NEGR1: variants seen among roughly 807,000 people sequenced by gnomAD.
The protein encoded by NEGR1 is IgLON family member 4.
NEGR1 carries 10 observed loss-of-function variants against 40.9 expected under a neutral mutation model. The ratio of observed to expected loss-of-function variants is 0.24; its 90% confidence interval spans 0.15 to 0.42. NEGR1 has a LOEUF of 0.42. Among genes scored for constraint, NEGR1 ranks in the 10% least tolerant of loss-of-function variants. The pLI, the probability that NEGR1 is intolerant of heterozygous loss-of-function variation, is 1.00. For synonymous variants in NEGR1, 185 were observed against 166.8 expected (o/e 1.11, Z -0.84); for missense variants, 352 against 438.9 (o/e 0.80, Z 1.77).
intron 4 of NEGR1, among the ~76,000 whole-genome samples, chr1:71,644,310 C>T (rs1651455096): frequency 6.6e-6 from 1 of 151,898 alleles, no homozygotes. Context: ...AGTCCCCGCT[C>T]ACACATCACA....
intron 4 of NEGR1, among the ~76,000 whole-genome samples, chr1:71,674,947 T>C (rs1200852837): frequency 6.6e-6 from 1 of 151,654 alleles, no homozygotes; most frequent in Non-Finnish European, 1.5e-5. Context: ...GCCTGTTTTG[T>C]ATTCTTAGCA....
At chr1:71,644,847 G>C (rs2101576870) in intron 4 of NEGR1, among the ~76,000 whole-genome samples, 1 of 151,890 alleles carries the variant, frequency 6.6e-6, no homozygotes, top group East Asian at 1.9e-4. Flanking sequence ...GCTTATCCAG[G>C]GGCTTATTTC....
intron 6 of NEGR1, among the ~76,000 whole-genome samples, chr1:71,580,426 G>A (rs1438604514): frequency 6.6e-6 from 1 of 151,772 alleles, no homozygotes; most frequent in Non-Finnish European, 1.5e-5. Context: ...CCTGCACATT[G>A]TGCACATGTA....
chr1:71,399,197 G>A lies in NEGR1; in HGVS notation c.*8249C>T, dbSNP rs1646230537. On this transcript the variant is annotated 3_prime_UTR_variant, in exon 7 of 7. Transcript: ENST00000357731. ...TTGAAACCTGAATAATGAGAGAGCAGGAATTCTGAACACACATACTAGTTT... is the reference window on the plus strand; with the variant it reads ...TTGAAACCTGAATAATGAGAGAGCAAGAATTCTGAACACACATACTAGTTT... The A allele has an allele frequency of 6.6e-6, 1 of 151,472 alleles. No homozygotes were observed. The highest frequency in any genetic ancestry group is 1.5e-5 in the Non-Finnish European group (1 of 67,930). The allele number at this position is 151,472 out of a possible 1,614,324, so 9.4% of individuals were successfully genotyped here.
In NEGR1 at chr1:71,865,373, G is replaced by A. The variant is rs115431755; in HGVS notation, c.409+69706C>T. On this transcript the variant is annotated intron_variant, in intron 2 of 6. Transcript: ENST00000357731. ...ATGATAGACTTGATAAAGAAAATGC[G>A]GCACTTATACACCATGGAATACTAC... 2.3e-3 allele frequency among the ~76,000 whole-genome samples: 347 copies of A among 152,136 alleles called. 1 individual carries two copies. The highest frequency in any genetic ancestry group is 7.8e-3 in the African/African-American group (324 of 41,508).
chr1:71,624,758 T>C (rs955709302), intron 4 of NEGR1, among the ~76,000 whole-genome samples: 1 of 151,910 alleles, frequency 6.6e-6, no homozygotes, highest in African/African-American at 2.4e-5. Context: ...ATTAAGGAGG[T>C]GCTCCCTGAC....
intron 1 of NEGR1, among the ~76,000 whole-genome samples, chr1:72,094,666 A>G (rs571235437): frequency 4.6e-4 from 70 of 152,238 alleles, no homozygotes; most frequent in African/African-American, 1.5e-3. Context: ...TATCTTCATT[A>G]GCTCCCCAAC....
chr1:72,178,518 T>A (rs1406358250), intron 1 of NEGR1, among the ~76,000 whole-genome samples: 1 of 151,758 alleles, frequency 6.6e-6, no homozygotes, highest in Non-Finnish European at 1.5e-5. Context: ...AGAGGCCTTT[T>A]ACAGCTCTTA....
intron 6 of NEGR1, among the ~76,000 whole-genome samples, chr1:71,420,596 G>T (rs1489570336): frequency 1.3e-5 from 2 of 151,984 alleles, no homozygotes; most frequent in Non-Finnish European, 2.9e-5. Flanking sequence ...ATTCACCTTT[G>T]TCAAAGCATA....
intron 2 of NEGR1, among the ~76,000 whole-genome samples, chr1:71,804,193 T>C (rs78472557): frequency 0.022 from 3,326 of 152,282 alleles, 112 homozygotes; most frequent in African/African-American, 0.075. Flanking sequence ...GCTAGGAATA[T>C]GACAGTTATC....
At chr1:71,616,945 C>G (rs761745965) in intron 4 of NEGR1, among the ~76,000 whole-genome samples, 3 of 152,172 alleles carry the variant, frequency 2.0e-5, no homozygotes, top group Non-Finnish European at 4.4e-5. Flanking sequence ...TCCAAGCCCA[C>G]TTTGTATAAT....
chr1:71,423,103 T>C (rs2101281968), intron 6 of NEGR1: 1 of 152,250 alleles, frequency 6.6e-6, no homozygotes, highest in South Asian at 2.1e-4. Context: ...AAAGCAATTT[T>C]TGGCTGGGCC....
intron 1 of NEGR1, among the ~76,000 whole-genome samples, chr1:71,956,279 T>G (rs2100285513): frequency 6.6e-6 from 1 of 152,284 alleles, no homozygotes; most frequent in South Asian, 2.1e-4. Context: ...GATTACTGGT[T>G]GAATATATTA....
intron 3 of NEGR1, among the ~76,000 whole-genome samples, chr1:71,733,028 G>T (rs1331151601): frequency 1.3e-5 from 2 of 151,182 alleles, no homozygotes; most frequent in African/African-American, 4.9e-5. Context: ...TCCAAGACAG[G>T]TGTGCTCAGC....
At chr1:71,972,275 G>A (rs1646262694) in intron 1 of NEGR1, among the ~76,000 whole-genome samples, 2 of 152,168 alleles carry the variant, frequency 1.3e-5, no homozygotes, top group Non-Finnish European at 2.9e-5. Flanking sequence ...TAGACACCAT[G>A]CTAGGACACC....
intron 3 of NEGR1, among the ~76,000 whole-genome samples, chr1:71,755,657 C>A (rs2101692632): frequency 6.6e-6 from 1 of 152,280 alleles, no homozygotes; most frequent in African/African-American, 2.4e-5. Flanking sequence ...CTGTTCCCAT[C>A]AATTAGCAAC....
intron 2 of NEGR1, among the ~76,000 whole-genome samples, chr1:71,793,437 A>G (rs1040381444): frequency 1.3e-5 from 2 of 149,588 alleles, no homozygotes; most frequent in African/African-American, 4.9e-5. Context: ...ACAAATAAAT[A>G]ACAGGCCTAC....
intron 3 of NEGR1, among the ~76,000 whole-genome samples, chr1:71,732,066 C>T (rs1266212517): frequency 6.6e-6 from 1 of 151,974 alleles, no homozygotes; most frequent in African/African-American, 2.4e-5. Context: ...ATTTATAATC[C>T]CAGCATTTTG....
chr1:71,608,495 C>CT (rs5775073), intron 5 of NEGR1, among the ~76,000 whole-genome samples: 126,224 of 138,640 alleles, frequency 0.91, 57,876 homozygotes, highest in South Asian at 0.98. Flanking sequence ...ATTACTGTAG[C>CT]TTTTTTTTTT....
Sources: allele counts gnomAD v4.1 joint callset (sites outside exome capture counted in the v4.1 genomes callset), GRCh38; gene constraint gnomAD v4.1.1; transcripts MANE v1.5; gene names NCBI Gene and HGNC (gene_info 2026-07-23, HGNC 2026-07-21).